RPS6KA2: variants seen among roughly 807,000 people sequenced by gnomAD.
The protein encoded by RPS6KA2 is ribosomal protein S6 kinase alpha-2.
Under a neutral mutation model 91.8 loss-of-function variants are expected in RPS6KA2, and 42 were observed. The ratio of observed to expected loss-of-function variants is 0.46; its 90% confidence interval spans 0.36 to 0.59. The LOEUF (loss-of-function observed/expected upper bound fraction) is 0.59, where lower values mean the gene tolerates loss of function less well. Among genes scored for constraint, RPS6KA2 ranks in the 20% least tolerant of loss-of-function variants. The probability of loss-of-function intolerance (pLI) is 0.00; values close to 1 mark genes in which losing one functional copy is unlikely to be tolerated. For synonymous variants in RPS6KA2, 414 were observed against 393.6 expected, an observed-to-expected ratio of 1.05 and a Z score of -0.61; for missense variants, 798 against 978.5, an observed-to-expected ratio of 0.82 and a Z score of 2.46.
rs1778822766 is a variant in RPS6KA2 at position 166,423,951 on chromosome 6, G to A, written c.1582-534C>T. The A allele has an allele frequency of 1.3e-5, 2 of 152,762 alleles. No individual in the cohort carries two copies. The highest frequency in any genetic ancestry group is 4.8e-5 in the African/African-American group (2 of 41,458). 9.5% of individuals were successfully genotyped at this position (152,762 alleles called of 1,614,324 possible). ...AGTCACTCTGCAATCATGCTCTGAG[G>A]CCTCCCATGGAGGACTGCGCTGGCT... On this transcript the variant is annotated intron_variant, in intron 16 of 20. Transcript: ENST00000265678. This position sits in a 1 kb window ranked among gnomAD's most constrained non-coding sequence, Gnocchi z 4.8.
At chr6:166,484,095 G>A (rs957920875) in intron 10 of RPS6KA2, among the ~76,000 whole-genome samples, 28 of 152,354 alleles carry the variant, frequency 1.8e-4, no homozygotes, top group Admixed American at 1.8e-3. Context: ...TGTCTTTTCT[G>A]CTTTACCACT....
intron 1 of RPS6KA2, among the ~76,000 whole-genome samples, chr6:166,550,602 C>T (rs188763822): frequency 7.9e-5 from 12 of 152,260 alleles, no homozygotes; most frequent in Middle Eastern, 3.4e-3. Context: ...CCCAGCACTG[C>T]GGGCAGTCAG....
chr6:166,447,214 G>A (rs185684480), intron 14 of RPS6KA2, among the ~76,000 whole-genome samples: 2 of 152,220 alleles, frequency 1.3e-5, no homozygotes, highest in Admixed American at 1.3e-4. Flanking sequence ...TTCACACCAC[G>A]GGTGGACATT....
chr6:166,620,742 G>GTT (rs1786595163), intron 1 of RPS6KA2, among the ~76,000 whole-genome samples: 2 of 152,226 alleles, frequency 1.3e-5, no homozygotes, highest in Admixed American at 1.3e-4. Flanking sequence ...GTCCTGACAA[G>GTT]GCACATTTCA....
At chr6:166,708,619 G>C (rs550265932) in intron 2 of RPS6KA2, among the ~76,000 whole-genome samples, 1 of 152,182 alleles carries the variant, frequency 6.6e-6, no homozygotes, top group Non-Finnish European at 1.5e-5. Flanking sequence ...AAGACGTTTC[G>C]CAGGTCCTGA....
At chr6:166,803,332 T>C (rs12660931) in intron 2 of RPS6KA2, among the ~76,000 whole-genome samples, 6,278 of 152,310 alleles carry the variant, frequency 0.041, 547 homozygotes, top group East Asian at 0.39. Flanking sequence ...TTACCCATAG[T>C]TCCTAAACCT....
intron 2 of RPS6KA2, among the ~76,000 whole-genome samples, chr6:166,761,749 G>C (rs1778175897): frequency 6.6e-6 from 1 of 152,252 alleles, no homozygotes; most frequent in Non-Finnish European, 1.5e-5. Context: ...ATCACTGGGA[G>C]TGAGTTGTAC....
intron 2 of RPS6KA2, among the ~76,000 whole-genome samples, chr6:166,788,564 T>C (rs1399339933): frequency 2.0e-5 from 3 of 152,162 alleles, no homozygotes; most frequent in African/African-American, 7.2e-5. Context: ...GAAGCCATCA[T>C]CCTCAACAAA....
rs141028633 is a variant in RPS6KA2, at chr6:166,528,580, A to C, written c.298+2652T>G. ...CAAAATTAACAAATGGGATCTAATT[A>C]AACTAAAGAGCTTCCACACAGCAAA... is the stretch of plus-strand genomic sequence containing the variant. On this transcript the variant is annotated intron_variant, in intron 3 of 20. Transcript: ENST00000265678. Among the ~76,000 whole-genome samples the C allele has an allele frequency of 5.4e-4, 81 of 150,488 alleles. 5 individuals are homozygous for C. In the East Asian group the frequency reaches 0.015, roughly 28 times the overall value.
intron 1 of RPS6KA2, among the ~76,000 whole-genome samples, chr6:166,594,677 T>A (rs1466964143): frequency 2.0e-5 from 3 of 152,232 alleles, no homozygotes; most frequent in Non-Finnish European, 2.9e-5. Context: ...TTAGCCAGGA[T>A]GGTCTCGATC....
Position 166,432,471 on chromosome 6 carries a change from C to T in RPS6KA2, c.1352G>A (p.Arg451Lys), listed in dbSNP as rs1339486677. ...YAVKIIDKSK[R>K]DPSEEIEILL... is the part of the protein sequence containing the mutation. ...GATCTCAATCTCTTCCGAGGGGTCT[C>T]TCTTGCTCTTATCAATGATCTGGAA... The change falls in exon 15 of 21, where the codon AGA (arginine) becomes AAA (lysine). Residue 451 changes from arginine (R) to lysine (K), a missense_variant. Transcript: ENST00000265678. 2 of 1,612,752 alleles carry T rather than the reference C, an allele frequency of 1.2e-6. No individual in the cohort carries two copies. The highest frequency in any genetic ancestry group is 8.5e-7 in the Non-Finnish European group (1 of 1,178,820).
At position 166,735,045 on chromosome 6, in the gene RPS6KA2, A is replaced by T. The variant is rs962179542; in HGVS notation, c.123+123155T>A. 6.6e-5 allele frequency among the ~76,000 whole-genome samples: 10 copies of T among 152,324 alleles called. 1 individual carries two copies. The highest frequency in any genetic ancestry group is 1.5e-5 in the Non-Finnish European group (1 of 68,046). ...TTAGATCCAATTTCTGAATTATATC[A>T]TTCACAAAAAGACCATCTTGGATTA... On this transcript the variant is annotated intron_variant, in intron 2 of 21. Transcript: ENST00000503859.
chr6:166,499,680 G>A (rs1014733373), intron 7 of RPS6KA2, among the ~76,000 whole-genome samples: 11 of 152,226 alleles, frequency 7.2e-5, no homozygotes, highest in Admixed American at 3.3e-4. Flanking sequence ...TCCCCAGCCA[G>A]GTGGAACAGG....
intron 16 of RPS6KA2, 76 bp downstream of exon 16, chr6:166,430,377 C>T: frequency 6.7e-6 from 9 of 1,338,894 alleles, no homozygotes; most frequent in South Asian, 1.3e-5. Flanking sequence ...GCTCTTGAAC[C>T]CATAAACCCT....
chr6:166,508,114 C>T lies in RPS6KA2; in HGVS notation c.459+89G>A, dbSNP rs187882895. On this transcript the variant is annotated intron_variant, in intron 5 of 20. Transcript: ENST00000265678. This position sits in a 1 kb window ranked among gnomAD's most constrained non-coding sequence, Gnocchi z 4.3. ...ACACACGCACTCTCGCACGTGCTCA[C>T]GTCCTCTCAATGCTCTCCACCCCTC... 4.2e-5 allele frequency: 34 copies of T among 807,866 alleles called. No individual in the cohort carries two copies. The highest frequency in any genetic ancestry group is 6.5e-5 in the Non-Finnish European group (31 of 477,386). 50.0% of individuals were successfully genotyped at this position (807,866 alleles called of 1,614,324 possible). A position where few individuals can be genotyped will look rare whatever the true frequency, so the allele number is the denominator to read the frequency against.
chr6:166,719,084 G>A (rs1312146304), intron 2 of RPS6KA2, among the ~76,000 whole-genome samples: 3 of 152,158 alleles, frequency 2.0e-5, no homozygotes, highest in African/African-American at 7.2e-5. Context: ...CCTCTGTCAC[G>A]CCTGCTCAAC....
intron 1 of RPS6KA2, among the ~76,000 whole-genome samples, chr6:166,566,193 G>A (rs371372245): frequency 2.2e-3 from 342 of 152,316 alleles, no homozygotes; most frequent in African/African-American, 4.4e-3. Context: ...TTGGCTGGGC[G>A]CAGGCTGCTA....
intron 2 of RPS6KA2, among the ~76,000 whole-genome samples, chr6:166,700,100 A>C (rs1789466225): frequency 6.6e-6 from 1 of 152,260 alleles, no homozygotes; most frequent in South Asian, 2.1e-4. Context: ...TTAGGTATTG[A>C]TAGTCAAAAG....
chr6:166,831,490 C>G lies in RPS6KA2; in HGVS notation c.123+26710G>C, dbSNP rs151022562. Among the ~76,000 whole-genome samples, 181 of 152,122 alleles carry G rather than the reference C, an allele frequency of 1.2e-3. 2 individuals are homozygous for G. Among genetic ancestry groups the G allele is most frequent in the African/African-American group, 1.7e-3 (69 of 41,478 alleles). ...AGACAGAAAGCTTCAGCTGTAAGGG[C>G]AGTGAGGACCAAGACACTCTTGCCT... On this transcript the variant is annotated intron_variant, in intron 2 of 21. Coordinates refer to the RPS6KA2 transcript ENST00000503859.
Sources: gnomAD v4.1 joint callset for allele counts (sites outside exome capture counted in the v4.1 genomes callset) on GRCh38, gnomAD v4.1.1 for gene constraint, Gnocchi (gnomAD v3.1) non-coding constraint, MANE v1.5 for transcripts, NCBI Gene and HGNC (gene_info 2026-07-23, HGNC 2026-07-21) for gene names.